Variants in WWOX observed in about 807,000 individuals in gnomAD.
WWOX encodes WW domain containing oxidoreductase, also known as WW domain-containing oxidoreductase.
In WWOX, 69 loss-of-function variants were observed where a neutral mutation model predicts 46.2. The observed-to-expected ratio is 1.49, with a 90% CI of 1.23 to 1.82. WWOX has a LOEUF of 1.82. Among genes scored for constraint, WWOX ranks in the 40% most tolerant of loss-of-function variants. The pLI is 0.00. For synonymous variants in WWOX, 359 were observed against 202.6 expected, an observed-to-expected ratio of 1.77 and a Z score of -6.56; for missense variants, 919 against 542.6, an observed-to-expected ratio of 1.69 and a Z score of -6.89.
chr16:78,866,016 G>A (rs546352519), intron 8 of WWOX, among the ~76,000 whole-genome samples: 41 of 152,306 alleles, frequency 2.7e-4, no homozygotes, highest in Non-Finnish European at 4.9e-4. Flanking sequence ...AGCAGTTACA[G>A]CATTCACAGC....
At chr16:78,216,796 A>G (rs1042387694) in intron 5 of WWOX, among the ~76,000 whole-genome samples, 1 of 151,666 alleles carries the variant, frequency 6.6e-6, no homozygotes, top group African/African-American at 2.4e-5. Context: ...CAGTGGCTTG[A>G]TCTTGGCTCA....
intron 8 of WWOX, among the ~76,000 whole-genome samples, chr16:78,822,425 C>T (rs1288955821): frequency 3.3e-5 from 5 of 152,136 alleles, no homozygotes; most frequent in Non-Finnish European, 5.9e-5. Flanking sequence ...ACCCAGGAGG[C>T]AGGGGTTGCA....
In WWOX at chr16:78,214,860, A is replaced by G. The variant is rs987317486; in HGVS notation, c.516+50571A>G. Among the ~76,000 whole-genome samples the G allele has an allele frequency of 7.9e-5, 12 of 152,220 alleles. 1 individual carries two copies. The highest frequency in any genetic ancestry group is 7.8e-4 in the Admixed American group (12 of 15,292). ...AAAAAAAAAAAGGTTTGTCGTTTAAAAATTTGGAGCTGGGCTGGAAACTAG... is the reference window on the plus strand; with the variant it reads ...AAAAAAAAAAAGGTTTGTCGTTTAAGAATTTGGAGCTGGGCTGGAAACTAG... On this transcript the variant is annotated intron_variant, in intron 5 of 8. Coordinates refer to ENST00000566780, the MANE Select transcript of WWOX (RefSeq NM_016373.4).
chr16:79,056,623 GC>G (rs1465959188), intron 8 of WWOX, among the ~76,000 whole-genome samples: 6 of 152,158 alleles, frequency 3.9e-5, no homozygotes, highest in Non-Finnish European at 1.5e-5. Flanking sequence ...CCCACTAGAT[GC>G]CAGTAGCATC....
chr16:78,376,036 G>C (rs1401168144), intron 5 of WWOX, among the ~76,000 whole-genome samples: 1 of 152,004 alleles, frequency 6.6e-6, no homozygotes, highest in African/African-American at 2.4e-5. Flanking sequence ...TTTTTGTAGA[G>C]ATGGGGTTTC....
At chr16:78,376,516 G>C (rs906749229) in intron 5 of WWOX, among the ~76,000 whole-genome samples, 2 of 152,068 alleles carry the variant, frequency 1.3e-5, no homozygotes, top group Non-Finnish European at 2.9e-5. Context: ...TTTTATTTTT[G>C]CAACTAACAG....
intron 8 of WWOX, among the ~76,000 whole-genome samples, chr16:78,592,353 C>T (rs995739022): frequency 6.6e-5 from 10 of 152,176 alleles, no homozygotes; most frequent in African/African-American, 1.9e-4. Flanking sequence ...TTCAAGCAGT[C>T]ACTTAATGAT....
At chr16:78,555,028 G>T (rs1208043975) in intron 8 of WWOX, among the ~76,000 whole-genome samples, 4 of 152,162 alleles carry the variant, frequency 2.6e-5, no homozygotes, top group Non-Finnish European at 5.9e-5. Flanking sequence ...TGGCTCCCTT[G>T]CCATTTAAGG....
At chr16:78,400,784 T>C (rs2082393942) in intron 6 of WWOX, among the ~76,000 whole-genome samples, 1 of 151,868 alleles carries the variant, frequency 6.6e-6, no homozygotes, top group East Asian at 1.9e-4. Context: ...GAATACACTG[T>C]TACCCCTCAA....
intron 8 of WWOX, among the ~76,000 whole-genome samples, chr16:78,828,714 C>T (rs878999953): frequency 2.0e-5 from 3 of 152,044 alleles, no homozygotes; most frequent in Admixed American, 6.5e-5. Context: ...CTGTATTAAT[C>T]GTAGTTAGCA....
chr16:78,338,587 A>G (rs1165384606), intron 5 of WWOX, among the ~76,000 whole-genome samples: 2 of 121,004 alleles, frequency 1.7e-5, no homozygotes, highest in East Asian at 3.9e-4. Flanking sequence ...TTCAATGCCT[A>G]TTTTCTCCTG....
At position 78,099,736 on chromosome 16, in the gene WWOX, C is replaced by T. The variant is rs747062183; in HGVS notation, c.-43C>T. The T allele has an allele frequency of 2.6e-6, 4 of 1,514,848 alleles. No individual in the cohort carries two copies. The highest frequency in any genetic ancestry group is 5.1e-5 in the East Asian group (2 of 38,946). The allele number at this position is 1,514,848 out of a possible 1,614,324, so 93.8% of individuals were successfully genotyped here. On this transcript the variant is annotated 5_prime_UTR_variant, in exon 1 of 9. Coordinates refer to ENST00000566780, the MANE Select transcript of WWOX (RefSeq NM_016373.4). ...GAGTGAGTTCCTGAGCGAGTGGACC[C>T]GGCAGCGGGCGATAGGGGGGCCAGG...
chr16:78,230,876 C>T (rs1352879549), intron 5 of WWOX, among the ~76,000 whole-genome samples: 1 of 152,236 alleles, frequency 6.6e-6, no homozygotes, highest in Non-Finnish European at 1.5e-5. Flanking sequence ...CTCCATGCCA[C>T]TCCTTATCTC....
At chr16:78,321,434 A>AT (rs1491455588) in intron 5 of WWOX, among the ~76,000 whole-genome samples, 2,820 of 121,616 alleles carry the variant, frequency 0.023, 212 homozygotes, top group African/African-American at 0.058. Context: ...ATATATATAT[A>AT]AAAATATATT....
At chr16:78,307,180 T>A (rs557275838) in intron 5 of WWOX, among the ~76,000 whole-genome samples, 9 of 152,226 alleles carry the variant, frequency 5.9e-5, no homozygotes, top group African/African-American at 7.2e-5. Context: ...GTATTTTTTT[T>A]ATGAAGTAAG....
At chr16:78,596,104 T>C (rs531450322) in intron 8 of WWOX, among the ~76,000 whole-genome samples, 96 of 152,312 alleles carry the variant, frequency 6.3e-4, no homozygotes, top group African/African-American at 2.2e-3. Context: ...TGACTATATA[T>C]GTATTATACA....
chr16:79,155,615 G>A (rs866346313), intron 8 of WWOX, among the ~76,000 whole-genome samples: 2 of 151,970 alleles, frequency 1.3e-5, no homozygotes, highest in Non-Finnish European at 2.9e-5. Flanking sequence ...CTCCAGCAGG[G>A]CTTTTACTCA....
intron 8 of WWOX, among the ~76,000 whole-genome samples, chr16:78,447,198 C>G (rs978394222): frequency 4.6e-5 from 7 of 152,046 alleles, no homozygotes; most frequent in African/African-American, 1.7e-4. Context: ...TGGAACGGAC[C>G]CTGGACAGAT....
chr16:78,835,760 A>G (rs967065500), intron 8 of WWOX, among the ~76,000 whole-genome samples: 2 of 152,234 alleles, frequency 1.3e-5, no homozygotes, highest in African/African-American at 4.8e-5. Flanking sequence ...AACAATAACA[A>G]CAAAAAATGT....
Sources: allele counts gnomAD v4.1 joint callset (sites outside exome capture counted in the v4.1 genomes callset), GRCh38; gene constraint gnomAD v4.1.1; transcripts MANE v1.5; gene names NCBI Gene and HGNC (gene_info 2026-07-23, HGNC 2026-07-21).